The following RAP1GAP2 variants were observed in gnomAD, a reference collection of about 807,000 sequenced individuals.
RAP1GAP2 encodes rap1 GTPase-activating protein 2.
In RAP1GAP2, 27 loss-of-function variants were observed where a neutral mutation model predicts 95.0. The observed-to-expected ratio is 0.28, with a 90% confidence interval of 0.21 to 0.39. The LOEUF (loss-of-function observed/expected upper bound fraction) is 0.39, where lower values mean the gene tolerates loss of function less well. Ranked by LOEUF, RAP1GAP2 falls within the 10% of genes least tolerant of loss-of-function variation. The pLI, the probability that RAP1GAP2 is intolerant of heterozygous loss-of-function variation, is 1.00. For synonymous variants in RAP1GAP2, 373 were observed against 380.9 expected (o/e 0.98, Z 0.24); for missense variants, 771 against 970.0 (o/e 0.79, Z 2.72).
At chr17:2,830,712 TCAAAACAAAA>T (rs569903071) in intron 2 of RAP1GAP2, among the ~76,000 whole-genome samples, 3 of 151,900 alleles carry the variant, frequency 2.0e-5, no homozygotes, top group African/African-American at 4.8e-5. Flanking sequence ...AGACTCTGTC[TCAAAACAAAA>T]CAAAACAAAA....
At chr17:2,763,434 G>A (rs1028702526) in intron 1 of RAP1GAP2, among the ~76,000 whole-genome samples, 5 of 152,124 alleles carry the variant, frequency 3.3e-5, no homozygotes, top group African/African-American at 1.2e-4. Context: ...GGCAGCTCAT[G>A]CCTGGAATCC....
intron 7 of RAP1GAP2, 108 bp downstream of exon 7, chr17:2,964,176 T>A: frequency 1.4e-6 from 1 of 728,194 alleles, no homozygotes; most frequent in Non-Finnish European, 1.8e-6. Flanking sequence ...AGGGAGGCTG[T>A]GGGAGGCTGT....
In RAP1GAP2 at chr17:3,033,074, A is replaced by T. The variant is rs1204518203; in HGVS notation, c.*31-318A>T. The T allele has an allele frequency of 6.5e-6, 1 of 154,234 alleles. No individual in the cohort carries two copies. The highest frequency in any genetic ancestry group is 1.9e-4 in the East Asian group (1 of 5,182). 9.6% of individuals were successfully genotyped at this position (154,234 alleles called of 1,614,324 possible). A position where few individuals can be genotyped will look rare whatever the true frequency, so the allele number is the denominator to read the frequency against. On this transcript the variant is annotated intron_variant, in intron 24 of 24. Coordinates refer to ENST00000254695, the MANE Select transcript of RAP1GAP2 (RefSeq NM_015085.5). The surrounding 1 kb of genome is among the most constrained non-coding windows in gnomAD (Gnocchi z 4.9). ...CAGAGTCACAGCTGGAGCCAAGAGG[A>T]GGGGTACAACCGAACCCACTCTGTG...
intron 18 of RAP1GAP2, among the ~76,000 whole-genome samples, chr17:3,020,003 C>T (rs892382947): frequency 2.0e-5 from 3 of 152,306 alleles, no homozygotes; most frequent in Admixed American, 6.5e-5. Flanking sequence ...GTTATTGGAA[C>T]GCCTGCGCGG....
chr17:2,790,257 C>T (rs1197709819), intron 1 of RAP1GAP2, among the ~76,000 whole-genome samples: 4 of 152,098 alleles, frequency 2.6e-5, no homozygotes, highest in Admixed American at 2.6e-4. Context: ...GGATTACAGG[C>T]ATGAGCCACT....
intron 2 of RAP1GAP2, among the ~76,000 whole-genome samples, chr17:2,862,148 G>T (rs1415815502): frequency 2.0e-5 from 3 of 152,160 alleles, no homozygotes; most frequent in Admixed American, 2.0e-4. Flanking sequence ...GAGGGACCAG[G>T]CTCAGCCATG....
chr17:2,854,233 G>C (rs1193327839), intron 2 of RAP1GAP2: 1 of 844,792 alleles, frequency 1.2e-6, no homozygotes, highest in African/African-American at 1.8e-5. Context: ...AGGTACCGTC[G>C]TGCGAACCGA....
chr17:2,861,679 G>A (rs1032113905), intron 2 of RAP1GAP2, among the ~76,000 whole-genome samples: 3 of 151,186 alleles, frequency 2.0e-5, no homozygotes, highest in Non-Finnish European at 4.4e-5. Context: ...TCGCTCTGTC[G>A]CCCAGGCTGG....
rs2042062783 is a variant in RAP1GAP2, at chr17:2,902,641, C to G, written c.81-2643C>G. 6.6e-6 allele frequency among the ~76,000 whole-genome samples: 1 copy of G among 152,194 alleles called. No individual in the cohort carries two copies. Among genetic ancestry groups the G allele is most frequent in the African/African-American group, 2.4e-5 (1 of 41,454 alleles). On this transcript the variant is annotated intron_variant, in intron 2 of 24. Coordinates refer to ENST00000254695, the MANE Select transcript of RAP1GAP2 (RefSeq NM_015085.5). The surrounding 1 kb of genome is among the most constrained non-coding windows in gnomAD (Gnocchi z 4.1). ...GTCACCACTGGTGCTCATGTCTGCT[C>G]TAGCGCCTTCCAAGCTCCCAGGCAT...
chr17:2,916,708 C>G, intron 3 of RAP1GAP2, among the ~76,000 whole-genome samples: 1 of 152,212 alleles, frequency 6.6e-6, no homozygotes, highest in Non-Finnish European at 1.5e-5. Context: ...AGTGGAGCAT[C>G]TGATACGCAG....
At chr17:2,939,795 G>A (rs1466300313) in intron 3 of RAP1GAP2, among the ~76,000 whole-genome samples, 2 of 152,240 alleles carry the variant, frequency 1.3e-5, no homozygotes, top group African/African-American at 4.8e-5. Context: ...GGACCCCCTT[G>A]CCCTTATGAC....
intron 17 of RAP1GAP2, among the ~76,000 whole-genome samples, chr17:3,017,068 A>G (rs1179475260): frequency 6.6e-6 from 1 of 152,180 alleles, no homozygotes; most frequent in African/African-American, 2.4e-5. Context: ...GGGGGCAGCC[A>G]GAGTCCCCTG....
At chr17:2,961,146 G>C (rs190678120) in intron 4 of RAP1GAP2, among the ~76,000 whole-genome samples, 1 of 152,066 alleles carries the variant, frequency 6.6e-6, no homozygotes, top group Admixed American at 6.5e-5. Flanking sequence ...GAACGCGGGA[G>C]GTGGAGGTTG....
intron 14 of RAP1GAP2, among the ~76,000 whole-genome samples, chr17:3,000,589 G>C (rs1462152072): frequency 7.7e-5 from 3 of 39,210 alleles, no homozygotes. Flanking sequence ...AGTGGGGCTC[G>C]TGGAGGTAAC....
At chr17:2,853,804 G>C (rs2071998996) in intron 2 of RAP1GAP2, among the ~76,000 whole-genome samples, 2 of 147,534 alleles carry the variant, frequency 1.4e-5, no homozygotes, top group Non-Finnish European at 3.0e-5. Flanking sequence ...CCGAGGAGAC[G>C]CTGAAGGTCG....
intron 1 of RAP1GAP2, among the ~76,000 whole-genome samples, chr17:2,762,027 TG>T (rs1311587301): frequency 7.1e-6 from 1 of 139,918 alleles, no homozygotes; most frequent in Non-Finnish European, 1.5e-5. Context: ...CTTGCTCTGT[TG>T]CCCATGCTGG....
In RAP1GAP2 at chr17:2,963,802, C is replaced by T; in HGVS notation, c.280-54C>T. 6.9e-7 allele frequency: 1 copy of T among 1,444,034 alleles called. No individual in the cohort carries two copies. Among genetic ancestry groups the T allele is most frequent in the Non-Finnish European group, 9.3e-7 (1 of 1,069,742 alleles). 89.5% of individuals were successfully genotyped at this position (1,444,034 alleles called of 1,614,324 possible). A position where few individuals can be genotyped will look rare whatever the true frequency, so the allele number is the denominator to read the frequency against. ...GCGCAGAGGGGACACCGCCACCGGC[C>T]CCCTCCCTCCCCTGCGGTCCCAGGG... On this transcript the variant is annotated intron_variant, in intron 6 of 24. Coordinates refer to ENST00000254695, the MANE Select transcript of RAP1GAP2 (RefSeq NM_015085.5). This position sits in a 1 kb window ranked among gnomAD's most constrained non-coding sequence, Gnocchi z 4.8.
intron 2 of RAP1GAP2, among the ~76,000 whole-genome samples, chr17:2,889,091 T>C (rs1335118038): frequency 6.6e-6 from 1 of 152,188 alleles, no homozygotes; most frequent in Non-Finnish European, 1.5e-5. Flanking sequence ...CCCTCAGATA[T>C]GTACCCTGCA....
intron 17 of RAP1GAP2, among the ~76,000 whole-genome samples, chr17:3,009,139 C>G (rs2046429160): frequency 6.6e-6 from 1 of 152,134 alleles, no homozygotes; most frequent in African/African-American, 2.4e-5. Flanking sequence ...TCTTTCAAGC[C>G]TCTTAAGGTG....
Sources: allele counts gnomAD v4.1 joint callset (sites outside exome capture counted in the v4.1 genomes callset), GRCh38; gene constraint gnomAD v4.1.1; non-coding constraint Gnocchi (gnomAD v3.1); transcripts MANE v1.5; gene names NCBI Gene and HGNC (gene_info 2026-07-23, HGNC 2026-07-21).